Variants in KCTD8 observed in about 807,000 individuals in gnomAD.
The protein encoded by KCTD8 is BTB/POZ domain-containing protein KCTD8.
A neutral mutation model predicts 31.5 loss-of-function variants in KCTD8; 27 were observed. The ratio of observed to expected loss-of-function variants is 0.86; its 90% confidence interval spans 0.63 to 1.18. The LOEUF (loss-of-function observed/expected upper bound fraction) is 1.18, where lower values mean the gene tolerates loss of function less well. KCTD8 is among the 50% of genes most tolerant of loss of function. KCTD8 has a pLI of 0.00. For synonymous variants in KCTD8, 290 were observed against 280.0 expected (o/e 1.04, Z -0.36); for missense variants, 658 against 647.7 (o/e 1.02, Z -0.17).
chr4:44,368,208 C>A (rs542213572), intron 1 of KCTD8, among the ~76,000 whole-genome samples: 22 of 152,096 alleles, frequency 1.4e-4, no homozygotes, highest in African/African-American at 5.3e-4. Flanking sequence ...GAAACCCTGT[C>A]TCTACTAAAA....
intron 1 of KCTD8, among the ~76,000 whole-genome samples, chr4:44,182,513 T>C (rs1449628417): frequency 6.6e-6 from 1 of 152,174 alleles, no homozygotes; most frequent in Admixed American, 6.5e-5. Flanking sequence ...CTCTGAAACA[T>C]GTGCTGTGTC....
intron 1 of KCTD8, among the ~76,000 whole-genome samples, chr4:44,389,296 T>C (rs749725292): frequency 6.6e-6 from 1 of 151,772 alleles, no homozygotes; most frequent in Non-Finnish European, 1.5e-5. Flanking sequence ...GTCTATAACA[T>C]AAAGACAGGA....
chr4:44,198,462 A>G, intron 1 of KCTD8, among the ~76,000 whole-genome samples: 1 of 152,224 alleles, frequency 6.6e-6, no homozygotes, highest in Non-Finnish European at 1.5e-5. Context: ...CAGACCTCTC[A>G]GCAGAAACCT....
chr4:44,215,368 C>A (rs954751367), intron 1 of KCTD8, among the ~76,000 whole-genome samples: 3 of 152,030 alleles, frequency 2.0e-5, no homozygotes, highest in Non-Finnish European at 2.9e-5. Flanking sequence ...TAATTCAATT[C>A]TAAATAAAAT....
chr4:44,372,333 A>G (rs753825150), intron 1 of KCTD8, among the ~76,000 whole-genome samples: 1 of 152,190 alleles, frequency 6.6e-6, no homozygotes, highest in Non-Finnish European at 1.5e-5. Context: ...ATTCCAGAAA[A>G]AGACAAACAG....
At chr4:44,212,364 A>G (rs1345519593) in intron 1 of KCTD8, among the ~76,000 whole-genome samples, 1 of 152,172 alleles carries the variant, frequency 6.6e-6, no homozygotes, top group Non-Finnish European at 1.5e-5. Context: ...ACTGCATATG[A>G]ATCTACAACT....
Position 44,174,822 on chromosome 4 carries a change from G to A in KCTD8, c.1390C>T (p.Gln464Ter). 6.2e-7 allele frequency: 1 copy of A among 1,611,658 alleles called. No individual in the cohort carries two copies. The highest frequency in any genetic ancestry group is 2.2e-5 in the East Asian group (1 of 44,866). Residue 464 changes from glutamine to a stop codon, truncating the protein, a stop_gained, in exon 2 of 2, where the codon CAA becomes TAA. Transcript: ENST00000360029. LOFTEE classifies it high-confidence loss of function. ...DYFPERKRQW[Q>*]SELLQKYGL ...CCATACTTCTGCAACAGTTCAGATT[G>A]CCATTGGCGTTTGCGCTCTGGAAAA...
chr4:44,297,651 C>A (rs556813840), intron 1 of KCTD8, among the ~76,000 whole-genome samples: 2 of 152,170 alleles, frequency 1.3e-5, no homozygotes, highest in Admixed American at 6.5e-5. Flanking sequence ...AAATGAAATA[C>A]CATGTCTGCT....
chr4:44,187,880 CAATACTA>C (rs1203082626), intron 1 of KCTD8, among the ~76,000 whole-genome samples: 1 of 151,554 alleles, frequency 6.6e-6, no homozygotes, highest in African/African-American at 2.4e-5. Context: ...GCCTGTTATG[CAATACTA>C]AACAGCTGCC....
chr4:44,320,364 G>T (rs555058397), intron 1 of KCTD8, among the ~76,000 whole-genome samples: 13 of 151,934 alleles, frequency 8.6e-5, no homozygotes, highest in African/African-American at 2.9e-4. Flanking sequence ...TTTTAAATTT[G>T]CAACTAAGTT....
chr4:44,256,114 A>T (rs984644267), intron 1 of KCTD8, among the ~76,000 whole-genome samples: 1 of 151,848 alleles, frequency 6.6e-6, no homozygotes, highest in Non-Finnish European at 1.5e-5. Context: ...ATCTTGTGAG[A>T]CTTACTACCA....
intron 1 of KCTD8, among the ~76,000 whole-genome samples, chr4:44,225,341 G>A (rs997648879): frequency 6.6e-6 from 1 of 152,192 alleles, no homozygotes; most frequent in Non-Finnish European, 1.5e-5. Flanking sequence ...TAGAGCAGCA[G>A]GAGCAAACTT....
chr4:44,251,902 G>T (rs1276890948), intron 1 of KCTD8, among the ~76,000 whole-genome samples: 1 of 151,392 alleles, frequency 6.6e-6, no homozygotes, highest in Non-Finnish European at 1.5e-5. Flanking sequence ...GGAAAAGGTG[G>T]TTTTTACTTA....
intron 1 of KCTD8, among the ~76,000 whole-genome samples, chr4:44,323,049 G>GAATC (rs1560426132): frequency 6.6e-6 from 1 of 151,956 alleles, no homozygotes; most frequent in East Asian, 1.9e-4. Context: ...TTTTGGCTCA[G>GAATC]AATCGCTTTA....
At chr4:44,444,617 T>A (rs1203221455) in intron 1 of KCTD8, among the ~76,000 whole-genome samples, 1 of 152,124 alleles carries the variant, frequency 6.6e-6, no homozygotes, top group Non-Finnish European at 1.5e-5. Context: ...TATTCTCAAA[T>A]CCTATAAAAC....
chr4:44,374,947 T>C (rs1464892204), intron 1 of KCTD8, among the ~76,000 whole-genome samples: 1 of 152,140 alleles, frequency 6.6e-6, no homozygotes, highest in Non-Finnish European at 1.5e-5. Flanking sequence ...AAAATGATGC[T>C]AAGATTGTTT....
At chr4:44,335,401 G>C (rs1474323888) in intron 1 of KCTD8, among the ~76,000 whole-genome samples, 1 of 151,470 alleles carries the variant, frequency 6.6e-6, no homozygotes, top group Non-Finnish European at 1.5e-5. Flanking sequence ...ACCAAACCCC[G>C]AGACACACAA....
intron 1 of KCTD8, among the ~76,000 whole-genome samples, chr4:44,395,142 T>C (rs1720466014): frequency 6.6e-6 from 1 of 152,032 alleles, no homozygotes; most frequent in Non-Finnish European, 1.5e-5. Flanking sequence ...TATCTCCAAC[T>C]TTTGCAGCAA....
At chr4:44,334,765 T>C (rs1718679389) in intron 1 of KCTD8, among the ~76,000 whole-genome samples, 1 of 152,062 alleles carries the variant, frequency 6.6e-6, no homozygotes, top group Admixed American at 6.5e-5. Flanking sequence ...CCATAAATAT[T>C]AGGGAATAGT....
Sources: allele counts gnomAD v4.1 joint callset (sites outside exome capture counted in the v4.1 genomes callset), GRCh38; gene constraint gnomAD v4.1.1; transcripts MANE v1.5; gene names NCBI Gene and HGNC (gene_info 2026-07-23, HGNC 2026-07-21).